Variants in AP3D1 observed in about 807,000 individuals in gnomAD.
The protein encoded by AP3D1 is AP-3 complex subunit delta-1.
Under a neutral mutation model 147.6 loss-of-function variants are expected in AP3D1, and 51 were observed. The ratio of observed to expected loss-of-function variants is 0.35; its 90% CI spans 0.28 to 0.44. The LOEUF (loss-of-function observed/expected upper bound fraction) is 0.44. AP3D1 is among the 20% of genes least tolerant of loss of function. The probability of loss-of-function intolerance (pLI) is 1.00; values close to 1 mark genes in which losing one functional copy is unlikely to be tolerated. For synonymous variants in AP3D1, 760 were observed against 663.0 expected, an observed-to-expected ratio of 1.15 and a Z score of -2.25; for missense variants, 1,421 against 1,624.2, an observed-to-expected ratio of 0.87 and a Z score of 2.15.
intron 1 of AP3D1, among the ~76,000 whole-genome samples, chr19:2,144,805 A>C (rs2238605): frequency 0.32 from 48,818 of 152,094 alleles, 9,086 homozygotes; most frequent in Non-Finnish European, 0.43. Flanking sequence ...CAGGAGGCTG[A>C]GGCAGGAGAA....
chr19:2,104,423 G>A lies in AP3D1; in HGVS notation c.3553-2155C>T, dbSNP rs1389030211. ...ACGCCAACACCCAGACCCCAATGCCGAGGCACCAACTCCAAGATGCCAACA... is the reference window on the plus strand; with the variant it reads ...ACGCCAACACCCAGACCCCAATGCCAAGGCACCAACTCCAAGATGCCAACA... On this transcript the variant is annotated intron_variant, in intron 31 of 31. Transcript: ENST00000643116. Among the ~76,000 whole-genome samples the A allele has an allele frequency of 2.5e-4, 31 of 125,690 alleles. 1 individual carries two copies. Among genetic ancestry groups the A allele is most frequent in the African/African-American group, 7.7e-4 (24 of 31,370 alleles). The allele number at this position is 125,690 out of a possible 152,430, so 82.5% of individuals were successfully genotyped here.
intron 24 of AP3D1, chr19:2,112,632 A>C: frequency 2.0e-6 from 1 of 500,284 alleles, no homozygotes; most frequent in Non-Finnish European, 3.5e-6. Context: ...CACTGTATAC[A>C]TACTTCAAAT....
chr19:2,105,949 T>G (rs1458770426), intron 31 of AP3D1, among the ~76,000 whole-genome samples: 1 of 151,964 alleles, frequency 6.6e-6, no homozygotes, highest in East Asian at 1.9e-4. Flanking sequence ...ACAAAAAGAT[T>G]ATCCAGGCGT....
chr19:2,127,001 A>G (rs2018775570), intron 9 of AP3D1, 151 bp downstream of exon 9: 1 of 777,462 alleles, frequency 1.3e-6, no homozygotes, highest in African/African-American at 1.7e-5. Flanking sequence ...ACGGACTCCC[A>G]GCCAGCCCCA....
Position 2,121,174 on chromosome 19 carries a change from G to A in AP3D1, c.1239C>T (p.Thr413=), listed in dbSNP as rs1162356264. The A allele has an allele frequency of 6.2e-7, 1 of 1,614,066 alleles. No individual in the cohort carries two copies. The highest frequency in any genetic ancestry group is 8.5e-7 in the Non-Finnish European group (1 of 1,180,028). The change falls in exon 13 of 32, where the codon ACC becomes ACT. Residue 413 remains threonine (T), a synonymous_variant. Transcript: ENST00000643116. ...GGAGCGGGACGCACCACTCGAAGTTGGTGATGTACTGGTAGTTGGACTGGC... is the reference window on the plus strand; with the variant it reads ...GGAGCGGGACGCACCACTCGAAGTTAGTGATGTACTGGTAGTTGGACTGGC... The part of the protein sequence containing the change: ...ICSQSNYQYI[T]NFEWYISILV...
At chr19:2,162,478 T>C (rs2019728396) in intron 1 of AP3D1, among the ~76,000 whole-genome samples, 1 of 151,090 alleles carries the variant, frequency 6.6e-6, no homozygotes, top group East Asian at 2.0e-4. Flanking sequence ...CTGGCCAACA[T>C]GGCGGAAATG....
chr19:2,102,885 T>C (rs1470175796), intron 31 of AP3D1, among the ~76,000 whole-genome samples: 5 of 151,422 alleles, frequency 3.3e-5, no homozygotes, highest in Admixed American at 2.0e-4. Context: ...GGGGTGGAGG[T>C]TGCATGTGAG....
intron 25 of AP3D1, 52 bp downstream of exon 25, chr19:2,111,627 A>G: frequency 6.5e-7 from 1 of 1,535,150 alleles, no homozygotes; most frequent in South Asian, 1.2e-5. Context: ...GGAGCAGCGC[A>G]CAGCCCGCCA....
intron 24 of AP3D1, 103 bp downstream of exon 24, chr19:2,112,757 G>A (rs2018320459): frequency 5.9e-6 from 5 of 843,114 alleles, no homozygotes; most frequent in Non-Finnish European, 9.1e-6. Context: ...TGCGAGAGCA[G>A]GGCTGCCCTG....
chr19:2,134,665 A>C (rs1385140462), intron 4 of AP3D1, among the ~76,000 whole-genome samples: 1 of 151,684 alleles, frequency 6.6e-6, no homozygotes, highest in African/African-American at 2.4e-5. Context: ...GCAATGGCAC[A>C]ATCTTGGCTC....
chr19:2,116,391 A>T (rs2018450027), intron 17 of AP3D1, 113 bp from the exon 18 acceptor site: 20 of 1,299,318 alleles, frequency 1.5e-5, no homozygotes, highest in Middle Eastern at 3.7e-4. Context: ...TATTTTCACT[A>T]CTGAGCTTTC....
intron 29 of AP3D1, 59 bp from the exon 30 acceptor site, chr19:2,109,266 A>G (rs1423642480): frequency 2.5e-5 from 38 of 1,510,196 alleles, no homozygotes; most frequent in Non-Finnish European, 3.2e-5. Context: ...GCTTCCTGGC[A>G]CAGAGGCCAA....
intron 4 of AP3D1, among the ~76,000 whole-genome samples, chr19:2,135,757 G>C (rs1354871833): frequency 3.3e-5 from 5 of 152,160 alleles, no homozygotes; most frequent in Non-Finnish European, 5.9e-5. Flanking sequence ...TCCCCAGTGA[G>C]GTGCTCACAC....
At chr19:2,105,332 G>T (rs568576274) in intron 31 of AP3D1, among the ~76,000 whole-genome samples, 1 of 152,210 alleles carries the variant, frequency 6.6e-6, no homozygotes, top group Non-Finnish European at 1.5e-5. Context: ...TAACGCCCAC[G>T]CTGGAAGGTT....
rs547462279 is a variant in AP3D1, at chr19:2,156,763, C to G, written c.-103+7593G>C. ...ACTCGGGAGGCTGAGGCAGGAGAAT[C>G]GCTTGAACCTGGCAGTTGGAGGTTG... On this transcript the variant is annotated intron_variant, in intron 1 of 14. Coordinates refer to the AP3D1 transcript ENST00000643010. Among the ~76,000 whole-genome samples the G allele has an allele frequency of 8.5e-5, 13 of 152,160 alleles. 1 individual carries two copies. In the South Asian group the frequency reaches 1.9e-3, roughly 22 times the overall value.
intron 31 of AP3D1, 27 bp downstream of exon 31, chr19:2,108,660 G>A: frequency 6.4e-7 from 1 of 1,558,090 alleles, no homozygotes; most frequent in Non-Finnish European, 8.7e-7. Flanking sequence ...GCAGGAGCCA[G>A]GGTGTGCACA....
rs1163997120 is a variant in AP3D1, at chr19:2,151,529, G to A, written c.-195C>T. 5.4e-5 allele frequency: 9 copies of A among 166,716 alleles called. No homozygotes were observed. The South Asian group carries it at 1.2e-3, about 22-fold the overall frequency. The allele number at this position is 166,716 out of a possible 1,614,324, so 10.3% of individuals were successfully genotyped here. ...CCCGCTCGGCAGGTGCCGCGATCCC[G>A]CTCCGGGCCCCTTGCAAATGGCGGA... On this transcript the variant is annotated 5_prime_UTR_variant, in exon 1 of 32. Coordinates refer to ENST00000643116, the MANE Select transcript of AP3D1 (RefSeq NM_001261826.3).
intron 31 of AP3D1, among the ~76,000 whole-genome samples, chr19:2,106,537 ACT>A (rs1035601660): frequency 3.6e-4 from 55 of 151,906 alleles, no homozygotes; most frequent in African/African-American, 1.3e-3. Context: ...ACAGAACAAG[ACT>A]CTGTTTCCAA....
intron 1 of AP3D1, chr19:2,164,272 G>A: frequency 7.9e-7 from 1 of 1,265,978 alleles, no homozygotes; most frequent in Non-Finnish European, 1.0e-6. Flanking sequence ...CTACGTGAGT[G>A]CCGCCCTCCA....
Sources: gnomAD v4.1 joint callset for allele counts (sites outside exome capture counted in the v4.1 genomes callset) on GRCh38, gnomAD v4.1.1 for gene constraint, MANE v1.5 for transcripts, NCBI Gene and HGNC (gene_info 2026-07-23, HGNC 2026-07-21) for gene names.